Variants in BMERB1 observed in about 807,000 individuals in gnomAD.
BMERB1 encodes bMERB domain containing 1.
In BMERB1, 12 loss-of-function variants were observed where a neutral mutation model predicts 23.6. The observed-to-expected ratio is 0.51, with a 90% CI of 0.33 to 0.82. BMERB1 has a LOEUF of 0.82. Ranked by LOEUF, BMERB1 falls within the 40% of genes least tolerant of loss-of-function variation. BMERB1 has a pLI of 0.03. For synonymous variants in BMERB1, 122 were observed against 96.6 expected (o/e 1.26, Z -1.54); for missense variants, 247 against 255.4 (o/e 0.97, Z 0.22).
At chr16:15,442,438 A>C (rs1048754201) in intron 1 of BMERB1, among the ~76,000 whole-genome samples, 2 of 152,224 alleles carry the variant, frequency 1.3e-5, no homozygotes, top group Non-Finnish European at 2.9e-5. Flanking sequence ...TAAATATTAC[A>C]AATATGATAG....
intron 1 of BMERB1, chr16:15,447,935 G>T (rs967651403): frequency 2.2e-6 from 1 of 455,628 alleles, no homozygotes; most frequent in African/African-American, 2.0e-5. Context: ...TGTCTCCCAG[G>T]CTAGAGTGCA....
chr16:15,480,739 A>T (rs918472281), intron 1 of BMERB1, among the ~76,000 whole-genome samples: 3 of 150,402 alleles, frequency 2.0e-5, no homozygotes, highest in Non-Finnish European at 4.4e-5. Flanking sequence ...TCAGCCTCCC[A>T]AGTAGCTGGG....
intron 2 of BMERB1, among the ~76,000 whole-genome samples, chr16:15,562,471 T>C (rs1489640765): frequency 6.6e-6 from 1 of 152,088 alleles, no homozygotes; most frequent in Non-Finnish European, 1.5e-5. Context: ...TCTCCTCTCT[T>C]ACCTCTCAAA....
intron 2 of BMERB1, chr16:15,533,028 C>T (rs916028615): frequency 3.3e-5 from 15 of 455,724 alleles, no homozygotes; most frequent in Non-Finnish European, 5.7e-5. Flanking sequence ...CTCTGAGCCT[C>T]GGTGGCCTCA....
rs939323048 is a variant in BMERB1, at chr16:15,587,711, G to C, written c.*882G>C. The stretch of plus-strand genomic sequence containing the variant: ...AGCCCGACACACGGACCTTTGTAAA[G>C]AACAGCAACAGGCAGGAGAGGCAGC... On this transcript the variant is annotated 3_prime_UTR_variant, in exon 6 of 6. Transcript: ENST00000300006. 4 of 281,028 alleles carry C rather than the reference G, an allele frequency of 1.4e-5. No individual in the cohort carries two copies. Among genetic ancestry groups the C allele is most frequent in the African/African-American group, 9.0e-5 (4 of 44,318 alleles). 17.4% of individuals were successfully genotyped at this position (281,028 alleles called of 1,614,324 possible). A position where few individuals can be genotyped will look rare whatever the true frequency, so the allele number is the denominator to read the frequency against.
intron 1 of BMERB1, among the ~76,000 whole-genome samples, chr16:15,493,845 C>T (rs1273726880): frequency 1.3e-5 from 2 of 152,176 alleles, no homozygotes; most frequent in East Asian, 3.8e-4. Flanking sequence ...ACATGATTTT[C>T]AGGCTAAGCA....
chr16:15,480,023 A>ATAT (rs567929504), intron 1 of BMERB1, among the ~76,000 whole-genome samples: 28 of 147,866 alleles, frequency 1.9e-4, no homozygotes, highest in African/African-American at 6.4e-4. Context: ...ATATATATAT[A>ATAT]ATATATATTT....
At chr16:15,565,775 A>G (rs2030546504) in intron 2 of BMERB1, among the ~76,000 whole-genome samples, 1 of 152,194 alleles carries the variant, frequency 6.6e-6, no homozygotes, top group African/African-American at 2.4e-5. Context: ...TGGGAAGATC[A>G]CTTGAGCCCA....
intron 1 of BMERB1, among the ~76,000 whole-genome samples, chr16:15,471,876 C>T (rs964205629): frequency 7.9e-5 from 12 of 152,202 alleles, no homozygotes; most frequent in African/African-American, 2.9e-4. Context: ...CTGCACCCAG[C>T]CCTCTTTCTT....
chr16:15,543,813 C>T (rs943710465), intron 2 of BMERB1, among the ~76,000 whole-genome samples: 2 of 152,054 alleles, frequency 1.3e-5, no homozygotes, highest in African/African-American at 4.8e-5. Context: ...AGAGCAAGAC[C>T]CTGTCTCTAA....
At chr16:15,512,440 G>A (rs977401876) in intron 1 of BMERB1, among the ~76,000 whole-genome samples, 3 of 152,134 alleles carry the variant, frequency 2.0e-5, no homozygotes, top group Non-Finnish European at 4.4e-5. Flanking sequence ...AGTTGGACAG[G>A]TAGAAACAGG....
At chr16:15,554,441 A>C (rs1334610237) in intron 2 of BMERB1, among the ~76,000 whole-genome samples, 1 of 152,164 alleles carries the variant, frequency 6.6e-6, no homozygotes, top group Non-Finnish European at 1.5e-5. Flanking sequence ...ACTAGCAATT[A>C]TACTTCTGTA....
intron 1 of BMERB1, among the ~76,000 whole-genome samples, chr16:15,437,524 T>C (rs1009387813): frequency 1.3e-4 from 20 of 152,222 alleles, no homozygotes; most frequent in Non-Finnish European, 2.2e-4. Context: ...TCTTCAATAA[T>C]GCCCTTGTAG....
At chr16:15,558,794 G>C (rs2030340193) in intron 2 of BMERB1, among the ~76,000 whole-genome samples, 1 of 150,638 alleles carries the variant, frequency 6.6e-6, no homozygotes, top group Non-Finnish European at 1.5e-5. Context: ...GTGGTTAAAA[G>C]CAAGCAAGGC....
At chr16:15,553,256 C>T (rs1368252804) in intron 2 of BMERB1, among the ~76,000 whole-genome samples, 1 of 152,240 alleles carries the variant, frequency 6.6e-6, no homozygotes, top group Non-Finnish European at 1.5e-5. Flanking sequence ...GATCCACCTG[C>T]CTCGGCCTCC....
chr16:15,554,256 C>T (rs1015039635), intron 2 of BMERB1, among the ~76,000 whole-genome samples: 5 of 152,066 alleles, frequency 3.3e-5, no homozygotes, highest in African/African-American at 7.2e-5. Flanking sequence ...TCAGACTGCC[C>T]GAGTTCAAGT....
intron 1 of BMERB1, among the ~76,000 whole-genome samples, chr16:15,460,064 C>A (rs951466282): frequency 6.6e-6 from 1 of 152,086 alleles, no homozygotes; most frequent in Admixed American, 6.6e-5. Flanking sequence ...AGTGCCAGTT[C>A]TACTGTTGGA....
At chr16:15,451,018 T>C (rs1213786037) in intron 1 of BMERB1, among the ~76,000 whole-genome samples, 1 of 152,046 alleles carries the variant, frequency 6.6e-6, no homozygotes, top group Non-Finnish European at 1.5e-5. Flanking sequence ...ACTCAGAGGT[T>C]TTCCAAGTGT....
At chr16:15,509,335 T>TGGGGGGGGGGAGGGGGGG (rs1172348337) in intron 1 of BMERB1, among the ~76,000 whole-genome samples, 2 of 42,100 alleles carry the variant, frequency 4.8e-5, no homozygotes, top group Non-Finnish European at 9.2e-5. Context: ...GGAAGGGGGG[T>TGGGGGGGGGGAGGGGGGG]GGGGGGGGAG....
Sources: gnomAD v4.1 joint callset for allele counts (sites outside exome capture counted in the v4.1 genomes callset) on GRCh38, gnomAD v4.1.1 for gene constraint, MANE v1.5 for transcripts, NCBI Gene and HGNC (gene_info 2026-07-23, HGNC 2026-07-21) for gene names.